AK8: variants seen among roughly 807,000 people sequenced by gnomAD.
The protein encoded by AK8 is adenylate kinase 8.
AK8 carries 44 observed loss-of-function variants against 54.6 expected under a neutral mutation model. The observed-to-expected ratio is 0.81, with a 90% confidence interval of 0.63 to 1.04. AK8 has a LOEUF of 1.04. Among genes scored for constraint, AK8 ranks in the 50% least tolerant of loss-of-function variants. AK8 has a pLI of 0.00. For synonymous variants in AK8, 239 were observed against 245.6 expected, an observed-to-expected ratio of 0.97 and a Z score of 0.25; for missense variants, 555 against 613.6, an observed-to-expected ratio of 0.90 and a Z score of 1.01.
intron 9 of AK8, among the ~76,000 whole-genome samples, chr9:132,820,808 G>C (rs576000669): frequency 2.4e-4 from 36 of 152,334 alleles, no homozygotes; most frequent in Admixed American, 3.3e-4. Flanking sequence ...CCAGGCGAGC[G>C]GATGGCCGCA....
At chr9:132,741,918 AAAAG>A (rs1263125128) in intron 11 of AK8, among the ~76,000 whole-genome samples, 1 of 152,184 alleles carries the variant, frequency 6.6e-6, no homozygotes, top group Non-Finnish European at 1.5e-5. Flanking sequence ...ACCTAGGATA[AAAAG>A]AAAGAGGACT....
At chr9:132,771,481 C>T (rs1838977160) in intron 11 of AK8, among the ~76,000 whole-genome samples, 1 of 152,152 alleles carries the variant, frequency 6.6e-6, no homozygotes, top group South Asian at 2.1e-4. Flanking sequence ...ATGCTTAAGC[C>T]CCTACCACAG....
At chr9:132,771,637 G>T (rs1026081204) in intron 11 of AK8, among the ~76,000 whole-genome samples, 3 of 151,320 alleles carry the variant, frequency 2.0e-5, no homozygotes, top group Admixed American at 1.3e-4. Context: ...CATCTAGCAT[G>T]TTCTGACTGC....
At chr9:132,801,803 C>T (rs1840470565) in intron 10 of AK8, among the ~76,000 whole-genome samples, 1 of 152,172 alleles carries the variant, frequency 6.6e-6, no homozygotes, top group Non-Finnish European at 1.5e-5. Context: ...TAGTTTTCTC[C>T]CTATGAAAGA....
At chr9:132,812,087 T>C (rs955771419) in intron 10 of AK8, among the ~76,000 whole-genome samples, 3 of 152,098 alleles carry the variant, frequency 2.0e-5, no homozygotes, top group African/African-American at 7.2e-5. Flanking sequence ...CTATATACAT[T>C]AGGTTAATTT....
At chr9:132,753,711 G>A (rs1004855594) in intron 11 of AK8, among the ~76,000 whole-genome samples, 2 of 152,232 alleles carry the variant, frequency 1.3e-5, no homozygotes, top group Admixed American at 6.5e-5. Flanking sequence ...CCGCTGTGGA[G>A]AGCATGAAGC....
chr9:132,753,738 G>C (rs78718590), intron 11 of AK8, among the ~76,000 whole-genome samples: 1,753 of 152,334 alleles, frequency 0.012, 37 homozygotes, highest in African/African-American at 0.04. Context: ...ATGTTCTCTA[G>C]GGAAGGAGAC....
At chr9:132,877,610 T>TG (rs1844183492) in intron 1 of AK8, 1 of 308,420 alleles carries the variant, frequency 3.2e-6, no homozygotes, top group African/African-American at 2.2e-5. Flanking sequence ...CAGTCAGGCC[T>TG]GGAGCCAGAA....
At chr9:132,835,453 C>T (rs148246062) in intron 5 of AK8, among the ~76,000 whole-genome samples, 184 of 152,266 alleles carry the variant, frequency 1.2e-3, no homozygotes, top group African/African-American at 4.1e-3. Context: ...GGGCCCATTC[C>T]CCTCAAACAC....
At chr9:132,756,068 C>CAA (rs954334761) in intron 11 of AK8, among the ~76,000 whole-genome samples, 3 of 152,194 alleles carry the variant, frequency 2.0e-5, no homozygotes, top group Non-Finnish European at 4.4e-5. Context: ...CACCTAGACT[C>CAA]AAAGACTTTT....
intron 11 of AK8, among the ~76,000 whole-genome samples, chr9:132,751,917 C>A (rs973778820): frequency 8.6e-5 from 13 of 150,290 alleles, no homozygotes; most frequent in African/African-American, 3.2e-4. Context: ...CTGGGCTCTG[C>A]AACATCTGCC....
At chr9:132,780,364 TG>T (rs1253402342) in intron 11 of AK8, among the ~76,000 whole-genome samples, 49 of 152,176 alleles carry the variant, frequency 3.2e-4, no homozygotes, top group Non-Finnish European at 1.3e-4. Context: ...CCCTTGTGCC[TG>T]GGGGTGGGTG....
At position 132,857,759 on chromosome 9, in the gene AK8, C is replaced by T. The variant is rs533906982; in HGVS notation, c.334-2834G>A. 3.2e-4 allele frequency among the ~76,000 whole-genome samples: 48 copies of T among 152,334 alleles called. No homozygotes were observed. In the East Asian group the frequency reaches 6.0e-3, roughly 19 times the overall value. On this transcript the variant is annotated intron_variant, in intron 4 of 12. Transcript: ENST00000298545. ...GAGCACCGGCTGAAAGGCGGACAGC[C>T]CCGGTGGGGCACAGCACCCCCTGCA...
In AK8 at chr9:132,772,742, A is replaced by T. The variant is rs149828271; in HGVS notation, c.1121+19892T>A. On this transcript the variant is annotated intron_variant, in intron 11 of 12. Transcript: ENST00000298545. ...CCTCTGGTCATCACAAGGCCAGTCC[A>T]TTCTTCCTGCTGCCCCAGCAAGCAC... 1.8e-3 allele frequency among the ~76,000 whole-genome samples: 275 copies of T among 152,238 alleles called. 1 individual carries two copies. The highest frequency in any genetic ancestry group is 3.0e-3 in the Non-Finnish European group (204 of 68,014).
chr9:132,752,772 C>T (rs1428254791), intron 11 of AK8, among the ~76,000 whole-genome samples: 2 of 144,178 alleles, frequency 1.4e-5, no homozygotes, highest in Non-Finnish European at 3.0e-5. Flanking sequence ...GCAGCTGGCT[C>T]CTTCCTTCCA....
intron 11 of AK8, among the ~76,000 whole-genome samples, chr9:132,733,417 G>A (rs1351817265): frequency 7.1e-4 from 108 of 152,296 alleles, no homozygotes; most frequent in Non-Finnish European, 8.8e-5. Flanking sequence ...AAAGGAAGCC[G>A]GTTTGGAAAT....
At chr9:132,802,883 T>C (rs1338422365) in intron 10 of AK8, among the ~76,000 whole-genome samples, 1 of 152,192 alleles carries the variant, frequency 6.6e-6, no homozygotes, top group Non-Finnish European at 1.5e-5. Flanking sequence ...CGTCATTTTA[T>C]GCCATTAAAT....
Position 132,854,858 on chromosome 9 carries a change from T to TTACAG in AK8, c.400_401insCTGTA (p.Gln134ProfsTer18). 6.2e-7 allele frequency: 1 copy of TTACAG among 1,614,108 alleles called. No individual in the cohort carries two copies. Among genetic ancestry groups the TTACAG allele is most frequent in the Non-Finnish European group, 8.5e-7 (1 of 1,180,014 alleles). On this transcript the variant is annotated frameshift_variant and splice_region_variant, in exon 5 of 13. Coordinates refer to ENST00000298545, the MANE Select transcript of AK8 (RefSeq NM_152572.3). LOFTEE classifies it high-confidence loss of function. ...ACCCCTAGCTCACTGGAGTCTTACCTGCTTGATGCAATCCTCTTCAGCCAG... is the reference window on the plus strand; with the variant it reads ...ACCCCTAGCTCACTGGAGTCTTACCTTACAGGCTTGATGCAATCCTCTTCAGCCAG...
At chr9:132,728,398 A>G (rs887361486) in intron 11 of AK8, among the ~76,000 whole-genome samples, 17 of 151,690 alleles carry the variant, frequency 1.1e-4, no homozygotes, top group East Asian at 3.9e-4. Context: ...CTTGGGCTAG[A>G]CTCTCACCTC....
Sources: gnomAD v4.1 joint callset for allele counts (sites outside exome capture counted in the v4.1 genomes callset) on GRCh38, gnomAD v4.1.1 for gene constraint, MANE v1.5 for transcripts, NCBI Gene and HGNC (gene_info 2026-07-23, HGNC 2026-07-21) for gene names.